The following GSTCD variants were observed in gnomAD, a reference collection of about 807,000 sequenced individuals.
GSTCD encodes the protein glutathione S-transferase C-terminal domain-containing protein.
A neutral mutation model predicts 68.3 loss-of-function variants in GSTCD; 44 were observed. The ratio of observed to expected loss-of-function variants is 0.64; its 90% CI spans 0.51 to 0.83. The LOEUF is 0.83. Ranked by LOEUF, GSTCD falls within the 40% of genes least tolerant of loss-of-function variation. The probability of loss-of-function intolerance (pLI) is 0.00; values close to 1 mark genes in which losing one functional copy is unlikely to be tolerated. For synonymous variants in GSTCD, 273 were observed against 255.2 expected (o/e 1.07, Z -0.67); for missense variants, 739 against 735.9 (o/e 1.00, Z -0.05).
intron 2 of GSTCD, among the ~76,000 whole-genome samples, chr4:105,718,738 A>G (rs932331789): frequency 3.3e-5 from 5 of 152,188 alleles, no homozygotes; most frequent in African/African-American, 9.7e-5. Flanking sequence ...GAATGTTTAC[A>G]TATAAATAGG....
At chr4:105,807,090 T>C (rs1314623892) in intron 5 of GSTCD, 1 of 152,156 alleles carries the variant, frequency 6.6e-6, no homozygotes, top group Non-Finnish European at 1.5e-5. Context: ...ATCTTTTGTT[T>C]AAAATTACCC....
At chr4:105,825,374 C>T (rs529204160) in intron 7 of GSTCD, among the ~76,000 whole-genome samples, 2 of 152,346 alleles carry the variant, frequency 1.3e-5, no homozygotes, top group African/African-American at 4.8e-5. Context: ...AAGTGATCCG[C>T]TTGCCTCGGC....
chr4:105,778,941 A>G (rs1028419999), intron 5 of GSTCD, among the ~76,000 whole-genome samples: 2 of 152,108 alleles, frequency 1.3e-5, no homozygotes, highest in African/African-American at 4.8e-5. Context: ...ACTATGTGAA[A>G]TAGTTGCAGA....
intron 5 of GSTCD, among the ~76,000 whole-genome samples, chr4:105,800,141 G>A (rs530073867): frequency 1.3e-5 from 2 of 152,316 alleles, no homozygotes; most frequent in South Asian, 2.1e-4. Context: ...AAGGAAAGAG[G>A]TTTAATGGAC....
At chr4:105,819,266 C>T (rs1295520138) in intron 5 of GSTCD, among the ~76,000 whole-genome samples, 1 of 151,682 alleles carries the variant, frequency 6.6e-6, no homozygotes, top group African/African-American at 2.4e-5. Context: ...TCATATTGTT[C>T]TTGGTATGCC....
chr4:105,774,843 C>G (rs1480253623), intron 5 of GSTCD, among the ~76,000 whole-genome samples: 1 of 152,140 alleles, frequency 6.6e-6, no homozygotes, highest in Non-Finnish European at 1.5e-5. Context: ...GGCTACTCTT[C>G]TTGAGGAGTA....
intron 10 of GSTCD, chr4:105,840,315 C>T (rs563663127): frequency 9.2e-5 from 35 of 380,036 alleles, no homozygotes; most frequent in African/African-American, 4.8e-4. Context: ...TCTCTCCTTT[C>T]GTTGATGCCT....
intron 5 of GSTCD, among the ~76,000 whole-genome samples, chr4:105,770,586 T>C (rs1734806835): frequency 6.6e-6 from 1 of 152,168 alleles, no homozygotes; most frequent in Non-Finnish European, 1.5e-5. Context: ...TGTGTTCTCA[T>C]TATTCAACTC....
At chr4:105,749,720 T>A in intron 5 of GSTCD, among the ~76,000 whole-genome samples, 1 of 150,292 alleles carries the variant, frequency 6.7e-6, no homozygotes, top group East Asian at 2.0e-4. Context: ...TAGAAGAAAA[T>A]ATACACAAAA....
intron 5 of GSTCD, among the ~76,000 whole-genome samples, chr4:105,817,163 A>G (rs1460484902): frequency 6.6e-6 from 1 of 151,918 alleles, no homozygotes; most frequent in African/African-American, 2.4e-5. Flanking sequence ...AACAAACTAT[A>G]TGCTCATTAA....
rs573004370 is a variant in GSTCD at position 105,786,178 on chromosome 4, A to T, written c.1241-36776A>T. On this transcript the variant is annotated intron_variant, in intron 5 of 11. Transcript: ENST00000515279. ...AAGAATGACACTAAAAATACAAGCAATAAAATAAAAAATGTAAATTGGACA... is the reference window on the plus strand; with the variant it reads ...AAGAATGACACTAAAAATACAAGCATTAAAATAAAAAATGTAAATTGGACA... Among the ~76,000 whole-genome samples, 4 of 151,176 alleles carry T rather than the reference A, an allele frequency of 2.6e-5. 1 individual carries two copies. Among genetic ancestry groups the T allele is most frequent in the African/African-American group, 9.9e-5 (4 of 40,446 alleles).
chr4:105,845,286 A>G (rs1724504381), intron 11 of GSTCD, among the ~76,000 whole-genome samples, 155 bp from the exon 12 acceptor site: 1 of 152,216 alleles, frequency 6.6e-6, no homozygotes. Flanking sequence ...CACATTGATC[A>G]AGAAGTAAAT....
At chr4:105,839,951 T>C (rs1239535294) in intron 10 of GSTCD, among the ~76,000 whole-genome samples, 2 of 152,102 alleles carry the variant, frequency 1.3e-5, no homozygotes, top group Non-Finnish European at 1.5e-5. Context: ...ATCTACTCTT[T>C]CTCCAACACC....
At chr4:105,781,141 T>G (rs1055124491) in intron 5 of GSTCD, among the ~76,000 whole-genome samples, 10 of 152,252 alleles carry the variant, frequency 6.6e-5, no homozygotes, top group Non-Finnish European at 1.0e-4. Context: ...CCCAGTACTT[T>G]GATATTTTTG....
chr4:105,734,207 G>A (rs574861457), intron 5 of GSTCD, among the ~76,000 whole-genome samples: 16 of 152,098 alleles, frequency 1.1e-4, no homozygotes, highest in Admixed American at 2.6e-4. Flanking sequence ...GGCATTCTCC[G>A]TATTTCCTGA....
chr4:105,772,753 GT>G (rs1459222739), intron 5 of GSTCD, among the ~76,000 whole-genome samples: 1 of 152,144 alleles, frequency 6.6e-6, no homozygotes, highest in Non-Finnish European at 1.5e-5. Context: ...ACTGGATTTG[GT>G]TTGCCAGTAT....
intron 5 of GSTCD, among the ~76,000 whole-genome samples, chr4:105,797,045 C>CGTGT (rs527275501): frequency 0.11 from 15,055 of 140,336 alleles, 1,358 homozygotes; most frequent in African/African-American, 0.25. Flanking sequence ...GACAGAGATA[C>CGTGT]ATGTGTGTGT....
chr4:105,756,495 TACACACACACACACACAC>T (rs3055931), intron 5 of GSTCD, among the ~76,000 whole-genome samples: 2 of 139,432 alleles, frequency 1.4e-5, no homozygotes, highest in Non-Finnish European at 1.5e-5. Flanking sequence ...CCTATGCACA[TACACACACACACACACAC>T]ACACACACAC....
chr4:105,730,048 C>G (rs975956721), intron 5 of GSTCD, among the ~76,000 whole-genome samples: 2 of 152,202 alleles, frequency 1.3e-5, no homozygotes, highest in Non-Finnish European at 2.9e-5. Flanking sequence ...CAGCTTCACC[C>G]ATGTCCCTAC....
Sources: gnomAD v4.1 joint callset for allele counts (sites outside exome capture counted in the v4.1 genomes callset) on GRCh38, gnomAD v4.1.1 for gene constraint, MANE v1.5 for transcripts, NCBI Gene and HGNC (gene_info 2026-07-23, HGNC 2026-07-21) for gene names.